PRKCQ: variants seen among roughly 807,000 people sequenced by gnomAD.
PRKCQ encodes protein kinase C theta.
A neutral mutation model predicts 91.2 loss-of-function variants in PRKCQ; 41 were observed. The ratio of observed to expected loss-of-function variants is 0.45; its 90% CI spans 0.35 to 0.58. PRKCQ has a LOEUF of 0.58. Among genes scored for constraint, PRKCQ ranks in the 20% least tolerant of loss-of-function variants. PRKCQ has a pLI of 0.00. For missense variants in PRKCQ, 673 were observed against 896.5 expected (o/e 0.75, Z 3.18); for synonymous variants, 307 against 316.9 (o/e 0.97, Z 0.33).
chr10:6,434,412 A>G (rs1425506988), intron 16 of PRKCQ, among the ~76,000 whole-genome samples: 1 of 152,222 alleles, frequency 6.6e-6, no homozygotes, highest in Non-Finnish European at 1.5e-5. Context: ...GTGTAATGAG[A>G]AGAGCATATG....
chr10:6,536,217 C>T (rs577461287), intron 1 of PRKCQ, among the ~76,000 whole-genome samples: 2 of 152,310 alleles, frequency 1.3e-5, no homozygotes, highest in East Asian at 3.9e-4. Flanking sequence ...TGGGTGGTCC[C>T]AGACACAGAT....
chr10:6,571,040 G>C (rs966547184), intron 1 of PRKCQ, among the ~76,000 whole-genome samples: 9 of 152,150 alleles, frequency 5.9e-5, no homozygotes, highest in African/African-American at 2.2e-4. Flanking sequence ...GGCAGGAGCA[G>C]CTGTGGAGAA....
At chr10:6,445,053 G>T (rs1834186649) in intron 15 of PRKCQ, among the ~76,000 whole-genome samples, 1 of 149,250 alleles carries the variant, frequency 6.7e-6, no homozygotes, top group African/African-American at 2.5e-5. Flanking sequence ...GAACCCGGGA[G>T]GTGGAGGCTG....
downstream of PRKCQ, among the ~76,000 whole-genome samples, chr10:6,422,954 C>T (rs1430896474): frequency 6.6e-6 from 1 of 152,144 alleles, no homozygotes; most frequent in East Asian, 1.9e-4. Context: ...GAGTTGGGTG[C>T]TGTACAGAAA....
chr10:6,547,009 G>T (rs1294613079), intron 1 of PRKCQ, among the ~76,000 whole-genome samples: 1 of 152,054 alleles, frequency 6.6e-6, no homozygotes, highest in Non-Finnish European at 1.5e-5. Context: ...TTTGTCTTTG[G>T]TTCTGTTTAT....
chr10:6,407,663 T>A, the PRKCQ span, among the ~76,000 whole-genome samples: 16 of 151,228 alleles, frequency 1.1e-4, no homozygotes. The surrounding 1 kb of genome is among the most constrained non-coding windows in gnomAD (Gnocchi z 4.0). Flanking sequence ...TGTGAATGAA[T>A]GTGTGTGGTA....
chr10:6,538,888 G>A (rs879671238), intron 1 of PRKCQ, among the ~76,000 whole-genome samples: 4 of 151,794 alleles, frequency 2.6e-5, no homozygotes, highest in African/African-American at 4.8e-5. Flanking sequence ...CTCACCCTCC[G>A]GAGTAGCTGG....
intron 1 of PRKCQ, among the ~76,000 whole-genome samples, chr10:6,554,151 T>C (rs1473398911): frequency 6.6e-6 from 1 of 152,154 alleles, no homozygotes; most frequent in Non-Finnish European, 1.5e-5. Flanking sequence ...TATTTCGTGA[T>C]TCTAGGAATT....
intron 1 of PRKCQ, among the ~76,000 whole-genome samples, chr10:6,519,221 G>A (rs56280613): frequency 0.11 from 17,242 of 152,162 alleles, 1,017 homozygotes; most frequent in Non-Finnish European, 0.13. Context: ...GAGAGTTTCT[G>A]TAGACAAAAA....
chr10:6,474,698 T>C (rs530384753), intron 12 of PRKCQ, among the ~76,000 whole-genome samples: 1 of 152,328 alleles, frequency 6.6e-6, no homozygotes, highest in South Asian at 2.1e-4. Context: ...TTCAAAGTTT[T>C]ATGGTTAATT....
At chr10:6,433,985 C>T (rs10906559) in intron 16 of PRKCQ, among the ~76,000 whole-genome samples, 52,866 of 146,566 alleles carry the variant, frequency 0.36, 11,502 homozygotes, top group East Asian at 0.7. Flanking sequence ...GAGCCGAGAT[C>T]GCACCACCAC....
chr10:6,451,022 A>G (rs1442097273), intron 15 of PRKCQ, among the ~76,000 whole-genome samples: 5 of 151,952 alleles, frequency 3.3e-5, no homozygotes, highest in Non-Finnish European at 7.4e-5. Context: ...AAGAACTAGA[A>G]AAGCAAGAGC....
intron 1 of PRKCQ, among the ~76,000 whole-genome samples, chr10:6,573,268 G>T (rs987153525): frequency 6.6e-6 from 1 of 152,112 alleles, no homozygotes; most frequent in African/African-American, 2.4e-5. Flanking sequence ...AAAACAGAAC[G>T]GAAAATGTTG....
At chr10:6,551,114 G>A (rs1017508567) in intron 1 of PRKCQ, among the ~76,000 whole-genome samples, 25 of 152,148 alleles carry the variant, frequency 1.6e-4, no homozygotes, top group African/African-American at 5.8e-4. Flanking sequence ...ACTAAGCCTG[G>A]TACCTAATAG....
Position 6,497,551 on chromosome 10 carries a change from C to T in PRKCQ, c.543-300G>A, listed in dbSNP as rs1031796503. ...CATGCATCACAGACTCTTCGTAGCA[C>T]GTTTCCCTGTGCTAGATTTAAAAAT... is the stretch of plus-strand genomic sequence containing the variant. On this transcript the variant is annotated intron_variant, in intron 5 of 17. Transcript: ENST00000263125. The surrounding 1 kb of genome is among the most constrained non-coding windows in gnomAD (Gnocchi z 4.5). 6.6e-6 allele frequency among the ~76,000 whole-genome samples: 1 copy of T among 152,196 alleles called. No homozygotes were observed. Among genetic ancestry groups the T allele is most frequent in the Non-Finnish European group, 1.5e-5 (1 of 68,036 alleles).
chr10:6,543,480 A>C (rs1443692372), intron 1 of PRKCQ, among the ~76,000 whole-genome samples: 1 of 152,180 alleles, frequency 6.6e-6, no homozygotes, highest in Non-Finnish European at 1.5e-5. Context: ...GTCATGACTA[A>C]ATTAACCACA....
In PRKCQ at chr10:6,467,973, G is replaced by A. The variant is rs115292804; in HGVS notation, c.1354-3569C>T. Among the ~76,000 whole-genome samples the A allele has an allele frequency of 4.8e-3, 737 of 152,310 alleles. 3 individuals carry two copies. The highest frequency in any genetic ancestry group is 0.017 in the African/African-American group (691 of 41,570). On this transcript the variant is annotated intron_variant, in intron 12 of 17. Coordinates refer to ENST00000263125, the MANE Select transcript of PRKCQ (RefSeq NM_006257.5). ...TGTAATCTCAGCTATTCATGAAGCT[G>A]AGGCTGGAGGTTCACTTGAGCCTAG... is the stretch of plus-strand genomic sequence containing the variant.
intron 7 of PRKCQ, among the ~76,000 whole-genome samples, chr10:6,496,431 G>A (rs1270554995): frequency 6.6e-6 from 1 of 151,930 alleles, no homozygotes; most frequent in African/African-American, 2.4e-5. Flanking sequence ...ATAAAATTAT[G>A]CCTCTGTTAT....
upstream of PRKCQ, chr10:6,580,290 C>T (rs1451693600): frequency 1.8e-5 from 1 of 54,854 alleles, no homozygotes; most frequent in African/African-American, 4.2e-5. Flanking sequence ...CGGGGACTGG[C>T]GGGGCTGGCG....
Sources: gnomAD v4.1 joint callset for allele counts (sites outside exome capture counted in the v4.1 genomes callset) on GRCh38, gnomAD v4.1.1 for gene constraint, Gnocchi (gnomAD v3.1) non-coding constraint, MANE v1.5 for transcripts, NCBI Gene and HGNC (gene_info 2026-07-23, HGNC 2026-07-21) for gene names.